TMEM9B: variants seen among roughly 807,000 people sequenced by gnomAD.
The protein encoded by TMEM9B is transmembrane protein 9B.
Under a neutral mutation model 23.5 loss-of-function variants are expected in TMEM9B, and 8 were observed. That is an observed-to-expected ratio of 0.34 (90% CI 0.20 to 0.61). TMEM9B has a LOEUF of 0.61. Ranked by LOEUF, TMEM9B falls within the 20% of genes least tolerant of loss-of-function variation. TMEM9B has a pLI of 0.78. For synonymous variants in TMEM9B, 106 were observed against 96.3 expected, an observed-to-expected ratio of 1.10 and a Z score of -0.59; for missense variants, 197 against 252.3, an observed-to-expected ratio of 0.78 and a Z score of 1.49.
chr11:8,952,279 C>CATATACAT (rs371219457), intron 4 of TMEM9B, among the ~76,000 whole-genome samples: 1 of 126,062 alleles, frequency 7.9e-6, no homozygotes, highest in Non-Finnish European at 1.8e-5. Context: ...CACACACACA[C>CATATACAT]GCTATATATA....
chr11:8,948,548 GC>G, intron 4 of TMEM9B, 73 bp from the exon 5 acceptor site: 1 of 1,498,824 alleles, frequency 6.7e-7, no homozygotes. Context: ...ACAGTGACCA[GC>G]CCGCCACAGA....
rs1304521866 is a variant in TMEM9B, at chr11:8,953,311, A to G, written c.333T>C (p.Ile111=). 13 of 1,613,906 alleles carry G rather than the reference A, an allele frequency of 8.1e-6. No individual in the cohort carries two copies. Among genetic ancestry groups the G allele is most frequent in the Non-Finnish European group, 1.1e-5 (13 of 1,179,984 alleles). ...IKVTIIIYLS[I]LGLLLLYMVY... ...CCATGTACAGAAGTAGAAGGCCCAA[A>G]ATGGAGAGATAAATTATAATGGTAA... The change falls in exon 4 of 5, where the codon ATT becomes ATC. Residue 111 remains isoleucine, a synonymous_variant. Transcript: ENST00000534025.
intron 4 of TMEM9B, 166 bp downstream of exon 4, chr11:8,953,037 T>A: frequency 3.9e-6 from 3 of 767,436 alleles, no homozygotes. Context: ...ATCAAGCAAT[T>A]TCTTCATAAA....
At chr11:8,948,758 G>A (rs1853823052) in intron 4 of TMEM9B, among the ~76,000 whole-genome samples, 1 of 152,136 alleles carries the variant, frequency 6.6e-6, no homozygotes, top group Admixed American at 6.5e-5. Context: ...TGGAGACCAA[G>A]CAAAAGACAG....
rs1461727782 is a variant in TMEM9B at position 8,948,356 on chromosome 11, T to C, written c.561A>G (p.Arg187=). The C allele has an allele frequency of 3.1e-6, 5 of 1,614,112 alleles. No homozygotes were observed. In the South Asian group the frequency reaches 4.4e-5, roughly 14 times the overall value. Residue 187 remains arginine (R), a synonymous_variant, in exon 5 of 5, where the codon CGA becomes CGG. Transcript: ENST00000534025. ...QRWKLQVQEQ[R]KSVFDRHVVL... ...CAACATGCCGGTCAAAGACAGACTT[T>C]CGCTGCTCTTGGACTTGAAGCTTCC...
At position 8,956,327 on chromosome 11, in the gene TMEM9B, A is replaced by G. The variant is rs777734147; in HGVS notation, c.198-29T>C. The G allele has an allele frequency of 1.9e-6, 3 of 1,595,836 alleles. No homozygotes were observed. In the East Asian group the frequency reaches 6.7e-5, roughly 36 times the overall value. On this transcript the variant is annotated intron_variant, in intron 2 of 4. Transcript: ENST00000534025. ...AAAAAACAAAGATAAAATGCTGCTT[A>G]AGCCCAGCTAGCTCTTCTGCTTGCT...
At chr11:8,951,603 G>T (rs1219072242) in intron 4 of TMEM9B, among the ~76,000 whole-genome samples, 1 of 147,790 alleles carries the variant, frequency 6.8e-6, no homozygotes. Flanking sequence ...AAAAAAATAC[G>T]AAAAATTAGC....
At chr11:8,962,816 C>G (rs1000772062) in intron 1 of TMEM9B, 1 of 152,242 alleles carries the variant, frequency 6.6e-6, no homozygotes, top group Non-Finnish European at 1.5e-5. Context: ...ACCAACAAAA[C>G]AAGTTTCAAG....
chr11:8,952,028 G>C (rs1853885611), intron 4 of TMEM9B, among the ~76,000 whole-genome samples: 1 of 151,990 alleles, frequency 6.6e-6, no homozygotes, highest in East Asian at 1.9e-4. Context: ...AGAATTGCTT[G>C]AACTTGGGAG....
chr11:8,952,495 C>T (rs966404083), intron 4 of TMEM9B, among the ~76,000 whole-genome samples: 1 of 151,970 alleles, frequency 6.6e-6, no homozygotes, highest in African/African-American at 2.4e-5. Context: ...TCTGCAGCCT[C>T]AAACTCCTGG....
chr11:8,964,630 A>C (rs1204838221), upstream of TMEM9B: 5 of 425,414 alleles, frequency 1.2e-5, no homozygotes, highest in Admixed American at 5.0e-5. Flanking sequence ...CATCTCTTGG[A>C]TATCTTTCCC....
intron 2 of TMEM9B, among the ~76,000 whole-genome samples, chr11:8,959,414 A>G (rs1365331495): frequency 6.6e-6 from 1 of 151,872 alleles, no homozygotes; most frequent in Non-Finnish European, 1.5e-5. Context: ...CTCTAGCAAT[A>G]AAAAAAACAG....
At chr11:8,958,368 A>T (rs1413556515) in intron 2 of TMEM9B, among the ~76,000 whole-genome samples, 6 of 145,970 alleles carry the variant, frequency 4.1e-5, no homozygotes, top group South Asian at 2.3e-4. Flanking sequence ...AGGCTGAGGC[A>T]GGAGAATCAC....
rs1854156655 is a variant in TMEM9B at position 8,964,396 on chromosome 11, C to G, written c.-83G>C. 2.6e-6 allele frequency: 4 copies of G among 1,510,944 alleles called. No individual in the cohort carries two copies. Among genetic ancestry groups the G allele is most frequent in the Admixed American group, 2.2e-5 (1 of 44,900 alleles). 93.6% of individuals were successfully genotyped at this position (1,510,944 alleles called of 1,614,324 possible). On this transcript the variant is annotated 5_prime_UTR_variant, in exon 1 of 5. Transcript: ENST00000534025. ...GCTCAGGCTCAGGCTCAGGCTCAGG[C>G]ACAGGCTTGGGACCCGGCTGGGGAT...
chr11:8,964,292 G>T lies in TMEM9B; in HGVS notation c.22C>A (p.Leu8Ile). 6.3e-7 allele frequency: 1 copy of T among 1,589,838 alleles called. No homozygotes were observed. Among genetic ancestry groups the T allele is most frequent in the South Asian group, 1.1e-5 (1 of 87,484 alleles). The change falls in exon 1 of 5, where the codon CTT becomes ATT. Residue 8 changes from leucine to isoleucine, a missense_variant. Physicochemically the swap from Leu to Ile is conservative, Grantham distance 5. Coordinates refer to ENST00000534025, the MANE Select transcript of TMEM9B (RefSeq NM_020644.3). Reference sequence around the variant, plus strand: ...CTGAGCAAGGAGCCAAGCCGAAGAAGGCCTCCCCACAGGGTCGCCATCGCT... The same window carrying T: ...CTGAGCAAGGAGCCAAGCCGAAGAATGCCTCCCCACAGGGTCGCCATCGCT... MATLWGG[L>I]LRLGSLLSLS...
chr11:8,951,382 T>C (rs1200133700), intron 4 of TMEM9B, among the ~76,000 whole-genome samples: 2 of 152,194 alleles, frequency 1.3e-5, no homozygotes, highest in Non-Finnish European at 2.9e-5. Flanking sequence ...TTACCCATTT[T>C]AAGGAACATA....
At chr11:8,956,917 G>T (rs1853985171) in intron 2 of TMEM9B, among the ~76,000 whole-genome samples, 1 of 152,050 alleles carries the variant, frequency 6.6e-6, no homozygotes, top group Admixed American at 6.6e-5. Flanking sequence ...ATCAGGTCTT[G>T]GTTTGTTGAC....
At chr11:8,956,358 C>A in intron 2 of TMEM9B, 60 bp from the exon 3 acceptor site, 2 of 1,373,034 alleles carry the variant, frequency 1.5e-6, no homozygotes, top group South Asian at 1.2e-5. Flanking sequence ...TTGCTCTGAC[C>A]AAAAGTTTCC....
At chr11:8,960,245 C>A (rs1206431400) in intron 2 of TMEM9B, among the ~76,000 whole-genome samples, 1 of 149,382 alleles carries the variant, frequency 6.7e-6, no homozygotes, top group African/African-American at 2.5e-5. Context: ...GCGGCTCAAG[C>A]GATTCTCTAC....
Sources: gnomAD v4.1 joint callset for allele counts (sites outside exome capture counted in the v4.1 genomes callset) on GRCh38, gnomAD v4.1.1 for gene constraint, MANE v1.5 for transcripts, NCBI Gene and HGNC (gene_info 2026-07-23, HGNC 2026-07-21) for gene names.